The following CRTAP variants were observed in gnomAD, a reference collection of about 807,000 sequenced individuals.
The protein encoded by CRTAP is cartilage-associated protein.
CRTAP carries 33 observed loss-of-function variants against 42.7 expected under a neutral mutation model. The ratio of observed to expected loss-of-function variants is 0.77; its 90% CI spans 0.59 to 1.03. The LOEUF (loss-of-function observed/expected upper bound fraction) is 1.03, where lower values mean the gene tolerates loss of function less well. Among genes scored for constraint, CRTAP ranks in the 50% least tolerant of loss-of-function variants. The pLI, the probability that CRTAP is intolerant of heterozygous loss-of-function variation, is 0.00. For synonymous variants in CRTAP, 243 were observed against 217.7 expected (o/e 1.12, Z -1.02); for missense variants, 613 against 533.9 (o/e 1.15, Z -1.46).
At chr3:33,117,516 C>G (rs1395810340) in intron 1 of CRTAP, among the ~76,000 whole-genome samples, 1 of 152,216 alleles carries the variant, frequency 6.6e-6, no homozygotes, top group East Asian at 1.9e-4. Flanking sequence ...ACGAAAAACT[C>G]ATTTTTCTCA....
In CRTAP at chr3:33,118,201, C is replaced by T. The variant is rs141306201; in HGVS notation, c.472-2143C>T. Among the ~76,000 whole-genome samples, 371 of 151,608 alleles carry T rather than the reference C, an allele frequency of 2.4e-3. 1 individual carries two copies. Among genetic ancestry groups the T allele is most frequent in the African/African-American group, 8.4e-3 (348 of 41,270 alleles). On this transcript the variant is annotated intron_variant, in intron 1 of 6. Transcript: ENST00000320954. Reference sequence around the variant, plus strand: ...ATCTTGGACTCCTGACCTCGTGATCCACCCACCTCGACCTCCTAAAGTGCT... The same window carrying T: ...ATCTTGGACTCCTGACCTCGTGATCTACCCACCTCGACCTCCTAAAGTGCT...
intron 6 of CRTAP, among the ~76,000 whole-genome samples, chr3:33,141,938 T>C (rs752720435): frequency 2.0e-5 from 3 of 152,156 alleles, no homozygotes; most frequent in Non-Finnish European, 2.9e-5. Context: ...CTTCAACACA[T>C]GTATTGAGCA....
intron 3 of CRTAP, among the ~76,000 whole-genome samples, chr3:33,125,698 A>C (rs891177380): frequency 6.6e-6 from 1 of 152,034 alleles, no homozygotes; most frequent in Non-Finnish European, 1.5e-5. Flanking sequence ...TCCAAATGCC[A>C]TATTATTTCA....
At chr3:33,133,499 CTCAGCCTT>C (rs1242627765) in intron 5 of CRTAP, among the ~76,000 whole-genome samples, 1 of 99,420 alleles carries the variant, frequency 1.0e-5, no homozygotes, top group Non-Finnish European at 1.9e-5. Flanking sequence ...ATCTGCCCAC[CTCAGCCTT>C]TCAAAGTGCT....
intron 4 of CRTAP, among the ~76,000 whole-genome samples, chr3:33,132,083 A>G (rs1421475447): frequency 1.3e-5 from 2 of 152,094 alleles, no homozygotes; most frequent in Admixed American, 6.5e-5. Flanking sequence ...CCTCCAACCC[A>G]GAGGCTCCAC....
chr3:33,129,828 C>T lies in CRTAP; in HGVS notation c.794-111C>T, dbSNP rs541583374. 1,244 of 1,101,112 alleles carry T rather than the reference C, an allele frequency of 1.1e-3. 1 individual carries two copies. The highest frequency in any genetic ancestry group is 2.1e-3 in the South Asian group (169 of 79,174). The allele number at this position is 1,101,112 out of a possible 1,614,324, so 68.2% of individuals were successfully genotyped here. On this transcript the variant is annotated intron_variant, in intron 3 of 6. Transcript: ENST00000320954. ...CTGGGATTACAGGCGTGAGCCACCG[C>T]GCCCGGCCTGTAAATATTTTTCTTT...
At chr3:33,141,453 T>G (rs920245230) in intron 6 of CRTAP, among the ~76,000 whole-genome samples, 3 of 152,212 alleles carry the variant, frequency 2.0e-5, no homozygotes, top group Admixed American at 2.0e-4. Flanking sequence ...GACCCCCCAT[T>G]TGTGTCTCAT....
rs747128779 is a variant in CRTAP, at chr3:33,142,487, A to G, written c.*39A>G. ...AAGAGACTTCCTCTTGGCGTTCAGG[A>G]AACACAGATTCTTTGTCCTTTTCCC... On this transcript the variant is annotated 3_prime_UTR_variant, in exon 7 of 7. Transcript: ENST00000320954. The G allele has an allele frequency of 5.3e-5, 84 of 1,599,732 alleles. No homozygotes were observed. Among genetic ancestry groups the G allele is most frequent in the Non-Finnish European group, 6.9e-5 (81 of 1,167,076 alleles).
intron 1 of CRTAP, among the ~76,000 whole-genome samples, chr3:33,119,356 A>G (rs1701385747): frequency 6.6e-6 from 1 of 152,086 alleles, no homozygotes; most frequent in Non-Finnish European, 1.5e-5. Flanking sequence ...CTGATGGGGG[A>G]GATAGACGTA....
chr3:33,128,777 C>T (rs573414460), intron 3 of CRTAP, among the ~76,000 whole-genome samples: 21 of 152,276 alleles, frequency 1.4e-4, no homozygotes, highest in Non-Finnish European at 2.6e-4. Context: ...CCTCCACAGT[C>T]TTATGAAATG....
intron 6 of CRTAP, among the ~76,000 whole-genome samples, chr3:33,135,387 G>T (rs189706189): frequency 1.3e-5 from 2 of 152,190 alleles, no homozygotes; most frequent in African/African-American, 4.8e-5. Context: ...TCAGCATTTG[G>T]GAGGCCAAAG....
intron 6 of CRTAP, among the ~76,000 whole-genome samples, chr3:33,138,527 T>G (rs890176782): frequency 6.6e-6 from 1 of 152,356 alleles, no homozygotes; most frequent in South Asian, 2.1e-4. Flanking sequence ...TTTTTGATGC[T>G]ATTATAAATG....
At position 33,134,205 on chromosome 3, in the gene CRTAP, G is replaced by T; in HGVS notation, c.1092G>T (p.Val364=). The stretch of plus-strand genomic sequence containing the variant: ...AGGAAGCAGTTCAGTTCTTTAATGT[G>T]ACCACACTCCAGAAGGAGCTGTATG... ...PRPEAVQFFN[V]TTLQKELYDF... is the part of the protein sequence containing the mutation. The change falls in exon 6 of 7, where the codon GTG becomes GTT. Residue 364 remains valine, a synonymous_variant. Transcript: ENST00000320954. 6.2e-7 allele frequency: 1 copy of T among 1,613,392 alleles called. No individual in the cohort carries two copies. The highest frequency in any genetic ancestry group is 1.1e-5 in the South Asian group (1 of 91,036).
At chr3:33,118,488 C>T (rs1392926215) in intron 1 of CRTAP, among the ~76,000 whole-genome samples, 2 of 152,230 alleles carry the variant, frequency 1.3e-5, no homozygotes, top group Non-Finnish European at 2.9e-5. Context: ...AGTCTGCCCT[C>T]ATCACCACCC....
At chr3:33,133,416 A>G (rs1172847507) in intron 5 of CRTAP, among the ~76,000 whole-genome samples, 2 of 151,856 alleles carry the variant, frequency 1.3e-5, no homozygotes, top group African/African-American at 4.8e-5. Context: ...GCACCAACAT[A>G]TCACACTAAT....
chr3:33,125,491 GTTTTTTTTTTT>G (rs60498778), intron 3 of CRTAP, among the ~76,000 whole-genome samples: 4 of 30,136 alleles, frequency 1.3e-4, no homozygotes, highest in South Asian at 2.0e-3. Context: ...TACAAAGTAG[GTTTTTTTTTTT>G]TTTTTTTTTT....
intron 6 of CRTAP, among the ~76,000 whole-genome samples, chr3:33,136,256 ATTC>A (rs1450367054): frequency 1.3e-5 from 2 of 152,214 alleles, no homozygotes; most frequent in Non-Finnish European, 2.9e-5. Context: ...ACCAAGTAAT[ATTC>A]TTCTTTTGGA....
intron 6 of CRTAP, 61 bp from the exon 7 acceptor site, chr3:33,142,334 C>T (rs778691591): frequency 1.2e-4 from 169 of 1,433,970 alleles, no homozygotes; most frequent in Non-Finnish European, 1.6e-4. Flanking sequence ...TGTTTCTGCT[C>T]ATCAGTACTT....
chr3:33,130,126 T>C (rs1461868408), intron 4 of CRTAP, 59 bp downstream of exon 4: 2 of 1,524,604 alleles, frequency 1.3e-6, no homozygotes, highest in Non-Finnish European at 9.1e-7. Context: ...GACTGTAAAA[T>C]AGAGGTAATA....
Sources: allele counts gnomAD v4.1 joint callset (sites outside exome capture counted in the v4.1 genomes callset), GRCh38; gene constraint gnomAD v4.1.1; transcripts MANE v1.5; gene names NCBI Gene and HGNC (gene_info 2026-07-23, HGNC 2026-07-21).